Variants in GRIK2 observed in about 807,000 individuals in gnomAD.
GRIK2 encodes glutamate receptor ionotropic, kainate 2.
A neutral mutation model predicts 100.3 loss-of-function variants in GRIK2; 32 were observed. That is an observed-to-expected ratio of 0.32 (90% CI 0.24 to 0.43). The LOEUF (loss-of-function observed/expected upper bound fraction) is 0.43, where lower values mean the gene tolerates loss of function less well. Ranked by LOEUF, GRIK2 falls within the 20% of genes least tolerant of loss-of-function variation. The pLI is 1.00. For missense variants in GRIK2, 843 were observed against 1,114.9 expected (o/e 0.76, Z 3.47); for synonymous variants, 417 against 389.4 (o/e 1.07, Z -0.83).
chr6:102,011,302 C>T (rs1005038996), intron 14 of GRIK2, among the ~76,000 whole-genome samples: 1 of 152,038 alleles, frequency 6.6e-6, no homozygotes, highest in African/African-American at 2.4e-5. Context: ...ATATATGATG[C>T]TAAAAAATTT....
In GRIK2 at chr6:101,483,149, G is replaced by A. The variant is rs117326395; in HGVS notation, c.115+83757G>A. Among the ~76,000 whole-genome samples, 484 of 152,060 alleles carry A rather than the reference G, an allele frequency of 3.2e-3. 2 individuals carry two copies. The highest frequency in any genetic ancestry group is 0.017 in the Middle Eastern group (5 of 294). On this transcript the variant is annotated intron_variant, in intron 2 of 16. Transcript: ENST00000369134. Reference sequence around the variant, plus strand: ...CAGATATCTTTCTAAAGCAGTGGTCGCAATTTCTAAATTTTATTTTGTTTC... The same window carrying A: ...CAGATATCTTTCTAAAGCAGTGGTCACAATTTCTAAATTTTATTTTGTTTC...
At chr6:101,804,320 C>T (rs1287381243) in intron 9 of GRIK2, among the ~76,000 whole-genome samples, 1 of 151,922 alleles carries the variant, frequency 6.6e-6, no homozygotes, top group African/African-American at 2.4e-5. Flanking sequence ...TTAGTCATAA[C>T]ATAGATACCA....
intron 2 of GRIK2, among the ~76,000 whole-genome samples, chr6:101,531,228 C>T (rs1775428478): frequency 6.6e-6 from 1 of 151,874 alleles, no homozygotes; most frequent in African/African-American, 2.4e-5. Flanking sequence ...TTGAAGACTC[C>T]TCCATAGTCC....
chr6:101,816,455 G>A (rs1049783946), intron 9 of GRIK2, among the ~76,000 whole-genome samples: 22 of 152,152 alleles, frequency 1.4e-4, no homozygotes, highest in African/African-American at 5.3e-4. Context: ...GCCAAGGCAG[G>A]CGGACCATGA....
chr6:101,686,518 A>T (rs1473350253), intron 7 of GRIK2, among the ~76,000 whole-genome samples, 165 bp downstream of exon 7: 2 of 152,168 alleles, frequency 1.3e-5, no homozygotes, highest in Non-Finnish European at 2.9e-5. Context: ...CAATTTTTTT[A>T]AATCAATTTT....
chr6:101,688,800 C>T (rs368994394), intron 7 of GRIK2, among the ~76,000 whole-genome samples: 40 of 151,984 alleles, frequency 2.6e-4, no homozygotes, highest in African/African-American at 9.6e-4. Flanking sequence ...TGAAGTTTGT[C>T]ATTAAAATAA....
chr6:101,808,228 A>C (rs1216025104), intron 9 of GRIK2, among the ~76,000 whole-genome samples: 1 of 152,046 alleles, frequency 6.6e-6, no homozygotes, highest in African/African-American at 2.4e-5. Context: ...AAAGAGTTGG[A>C]AGAGTTCCAC....
intron 2 of GRIK2, among the ~76,000 whole-genome samples, chr6:101,436,927 G>A (rs1255877711): frequency 1.3e-5 from 2 of 150,628 alleles, no homozygotes; most frequent in Admixed American, 6.6e-5. Context: ...AGATTAAAAT[G>A]GCTCAAATCA....
chr6:101,859,298 T>C lies in GRIK2; in HGVS notation c.1329T>C (p.Tyr443=), dbSNP rs1784607949. ...TTCAATGTTTTCAGGAAGAGCCTTA[T>C]GTCCTTTTTAAGAAGTCTGACAAAC... The part of the protein sequence containing the change: ...LIVTTILEEP[Y]VLFKKSDKPL... The change falls in exon 11 of 17, where the codon TAT becomes TAC. Residue 443 remains tyrosine, a synonymous_variant. Transcript: ENST00000369134. The C allele has an allele frequency of 3.2e-6, 5 of 1,571,250 alleles. No individual in the cohort carries two copies. The East Asian group carries it at 6.7e-5, about 21-fold the overall frequency.
intron 4 of GRIK2, among the ~76,000 whole-genome samples, chr6:101,647,549 G>A (rs957181453): frequency 6.6e-6 from 1 of 151,948 alleles, no homozygotes; most frequent in Non-Finnish European, 1.5e-5. Flanking sequence ...TAAGGCACAA[G>A]CAGAGATGAG....
chr6:101,787,412 A>T (rs1779505264), intron 7 of GRIK2, among the ~76,000 whole-genome samples: 1 of 151,758 alleles, frequency 6.6e-6, no homozygotes, highest in Non-Finnish European at 1.5e-5. Flanking sequence ...TAAAATCTTT[A>T]TATTTTCTTG....
chr6:101,617,699 AC>A (rs761611694), intron 2 of GRIK2, among the ~76,000 whole-genome samples: 20 of 151,886 alleles, frequency 1.3e-4, no homozygotes, highest in Admixed American at 3.3e-4. Flanking sequence ...GAAATTGATC[AC>A]TTTTTTATGT....
Position 102,069,294 on chromosome 6 carries a change from CAAA to C in GRIK2, c.*784_*786del, listed in dbSNP as rs1326426090. On this transcript the variant is annotated 3_prime_UTR_variant, in exon 17 of 17. Transcript: ENST00000369134. ...CACCTTTTCTCTAACCCCCATATCC[CAAA>C]TAATAATAATAATAATAATAATAAT... The C allele has an allele frequency of 7.1e-5, 8 of 112,286 alleles. No homozygotes were observed. Among genetic ancestry groups the C allele is most frequent in the African/African-American group, 3.4e-4 (8 of 23,282 alleles). 7.0% of individuals were successfully genotyped at this position (112,286 alleles called of 1,614,324 possible).
rs117667473 is a variant in GRIK2, at chr6:101,872,657, T to A, written c.1524+13164T>A. Among the ~76,000 whole-genome samples the A allele has an allele frequency of 5.0e-4, 76 of 151,940 alleles. 2 individuals are homozygous for A. In the East Asian group the frequency reaches 0.014, roughly 29 times the overall value. The stretch of plus-strand genomic sequence containing the variant: ...GGTTCAAATGAGCACTCATCAATAA[T>A]TCCCCCTTCCCATCCCCTCTGAATA... On this transcript the variant is annotated intron_variant, in intron 11 of 16. Transcript: ENST00000369134.
intron 2 of GRIK2, among the ~76,000 whole-genome samples, chr6:101,582,391 T>C (rs1382333288): frequency 1.3e-5 from 2 of 152,068 alleles, no homozygotes; most frequent in South Asian, 2.1e-4. Flanking sequence ...CCATCAATGA[T>C]AGACTGGATA....
intron 14 of GRIK2, among the ~76,000 whole-genome samples, chr6:102,003,669 C>T (rs1795061721): frequency 6.6e-6 from 1 of 151,688 alleles, no homozygotes; most frequent in Non-Finnish European, 1.5e-5. Context: ...CATATATCTG[C>T]CAGTTTGCTG....
intron 9 of GRIK2, among the ~76,000 whole-genome samples, chr6:101,804,922 A>G (rs4840195): frequency 0.24 from 35,897 of 151,838 alleles, 5,419 homozygotes; most frequent in East Asian, 0.69. Flanking sequence ...AGTAGCAAAA[A>G]GTCCTCATTT....
chr6:101,804,500 C>T (rs1162007462), intron 9 of GRIK2, among the ~76,000 whole-genome samples: 1 of 151,934 alleles, frequency 6.6e-6, no homozygotes, highest in Non-Finnish European at 1.5e-5. Context: ...CAGTTTGTGA[C>T]AGAAGGCATT....
intron 10 of GRIK2, among the ~76,000 whole-genome samples, chr6:101,839,491 T>G (rs1783364178): frequency 6.6e-6 from 1 of 152,120 alleles, no homozygotes; most frequent in South Asian, 2.1e-4. Context: ...GTAGAAAGCC[T>G]TTGTAAGTTT....
Sources: allele counts gnomAD v4.1 joint callset (sites outside exome capture counted in the v4.1 genomes callset), GRCh38; gene constraint gnomAD v4.1.1; transcripts MANE v1.5; gene names NCBI Gene and HGNC (gene_info 2026-07-23, HGNC 2026-07-21).